HERC6: variants seen among roughly 807,000 people sequenced by gnomAD.
HERC6 encodes the protein probable E3 ubiquitin-protein ligase HERC6.
HERC6 carries 101 observed loss-of-function variants against 114.5 expected under a neutral mutation model. That is an observed-to-expected ratio of 0.88 (90% CI 0.75 to 1.04). The LOEUF (loss-of-function observed/expected upper bound fraction) is 1.04. Ranked by LOEUF, HERC6 falls within the 50% of genes least tolerant of loss-of-function variation. The probability of loss-of-function intolerance (pLI) is 0.00; values close to 1 mark genes in which losing one functional copy is unlikely to be tolerated. For missense variants in HERC6, 1,133 were observed against 1,230.9 expected, an observed-to-expected ratio of 0.92 and a Z score of 1.19; for synonymous variants, 408 against 436.2, an observed-to-expected ratio of 0.94 and a Z score of 0.81.
chr4:88,405,730 G>C (rs2148892867), intron 10 of HERC6, 117 bp downstream of exon 10: 3 of 489,636 alleles, frequency 6.1e-6, no homozygotes, highest in East Asian at 6.7e-5. Flanking sequence ...GTCCAACACA[G>C]AGAACTCTGT....
chr4:88,389,046 C>T (rs966357368), intron 3 of HERC6, among the ~76,000 whole-genome samples: 5 of 152,140 alleles, frequency 3.3e-5, no homozygotes, highest in Admixed American at 1.3e-4. Context: ...GTTTATGAGG[C>T]GGTCAGGGAA....
chr4:88,401,596 G>A (rs1735549896), intron 8 of HERC6, among the ~76,000 whole-genome samples: 1 of 151,996 alleles, frequency 6.6e-6, no homozygotes, highest in South Asian at 2.1e-4. Context: ...TGATTGAGGG[G>A]TTTGAACAGA....
chr4:88,397,891 A>G (rs540347120), intron 7 of HERC6, among the ~76,000 whole-genome samples: 3 of 152,334 alleles, frequency 2.0e-5, no homozygotes, highest in South Asian at 4.1e-4. Context: ...TGGCTGCATT[A>G]TGCAAGTGCA....
chr4:88,417,239 G>A (rs1736563990), intron 12 of HERC6, among the ~76,000 whole-genome samples, 186 bp from the exon 13 acceptor site: 1 of 151,934 alleles, frequency 6.6e-6, no homozygotes, highest in South Asian at 2.1e-4. Flanking sequence ...CTTAATAAGG[G>A]AAAAAAATTT....
chr4:88,383,215 C>T lies in HERC6; in HGVS notation c.200-6C>T. 6.2e-7 allele frequency: 1 copy of T among 1,608,430 alleles called. No individual in the cohort carries two copies. The highest frequency in any genetic ancestry group is 8.5e-7 in the Non-Finnish European group (1 of 1,177,480). On this transcript the variant is annotated splice_polypyrimidine_tract_variant and splice_region_variant and intron_variant, in intron 1 of 22. Coordinates refer to ENST00000264346, the MANE Select transcript of HERC6 (RefSeq NM_017912.4). ...GTTGGGGGGTGTTTTGTTTTGTTTCCCAAAGAACCAATTCAGGCATTGGAA... is the reference window on the plus strand; with the variant it reads ...GTTGGGGGGTGTTTTGTTTTGTTTCTCAAAGAACCAATTCAGGCATTGGAA...
At chr4:88,403,618 G>C (rs1198477541) in intron 8 of HERC6, among the ~76,000 whole-genome samples, 1 of 152,070 alleles carries the variant, frequency 6.6e-6, no homozygotes, top group African/African-American at 2.4e-5. Flanking sequence ...GCTGGGCACA[G>C]TGGCAGGTGC....
rs147649456 is a variant in HERC6, at chr4:88,401,771, G to A, written c.1093-3105G>A. ...AGTATGAAAGGTTTAGGAAGAAAAG[G>A]AAGGGTTGTGATAGTTGTCTTGGGG... On this transcript the variant is annotated intron_variant, in intron 8 of 22. Transcript: ENST00000264346. Among the ~76,000 whole-genome samples the A allele has an allele frequency of 3.1e-3, 479 of 152,308 alleles. 4 individuals are homozygous for A. The highest frequency in any genetic ancestry group is 0.011 in the African/African-American group (452 of 41,552).
At chr4:88,385,963 T>G (rs1369906393) in intron 3 of HERC6, among the ~76,000 whole-genome samples, 1 of 152,106 alleles carries the variant, frequency 6.6e-6, no homozygotes, top group Non-Finnish European at 1.5e-5. Flanking sequence ...TATTTTTTCT[T>G]TTTAAAAATT....
intron 17 of HERC6, among the ~76,000 whole-genome samples, chr4:88,433,842 G>A (rs1269814504): frequency 6.6e-6 from 1 of 152,222 alleles, no homozygotes; most frequent in Non-Finnish European, 1.5e-5. Flanking sequence ...ACAGGCAGGA[G>A]GAGGAGAAAG....
At chr4:88,390,014 T>C (rs1560535464) in intron 3 of HERC6, among the ~76,000 whole-genome samples, 2 of 151,514 alleles carry the variant, frequency 1.3e-5, no homozygotes, top group African/African-American at 4.8e-5. Context: ...CCATCTCTAC[T>C]AAAAAAGCAC....
intron 8 of HERC6, among the ~76,000 whole-genome samples, chr4:88,404,022 C>T (rs1390883236): frequency 6.6e-6 from 1 of 152,064 alleles, no homozygotes; most frequent in Non-Finnish European, 1.5e-5. Flanking sequence ...TCCCTCTCTC[C>T]GCCCCCAGCT....
At chr4:88,441,370 G>C (rs534157289) in intron 22 of HERC6, among the ~76,000 whole-genome samples, 2 of 152,170 alleles carry the variant, frequency 1.3e-5, no homozygotes, top group African/African-American at 4.8e-5. Flanking sequence ...ACCCTACGAG[G>C]TAGGTACTAT....
In HERC6 at chr4:88,398,319, A is replaced by G. The variant is rs941845529; in HGVS notation, c.1092+110A>G. On this transcript the variant is annotated intron_variant, in intron 8 of 22. Transcript: ENST00000264346. Reference sequence around the variant, plus strand: ...CATATTCAGGTCTTTTACTAAAACAATAAGGTCCTATATTAGAATGCTTAT... The same window carrying G: ...CATATTCAGGTCTTTTACTAAAACAGTAAGGTCCTATATTAGAATGCTTAT... The G allele has an allele frequency of 9.3e-5, 48 of 518,808 alleles. No homozygotes were observed. The East Asian group carries it at 1.5e-3, about 16-fold the overall frequency. The allele number at this position is 518,808 out of a possible 1,614,324, so 32.1% of individuals were successfully genotyped here. A position where few individuals can be genotyped will look rare whatever the true frequency, so the allele number is the denominator to read the frequency against.
intron 6 of HERC6, 40 bp downstream of exon 6, chr4:88,396,182 G>A: frequency 6.7e-7 from 1 of 1,489,546 alleles, no homozygotes; most frequent in Non-Finnish European, 9.0e-7. Context: ...AGCATGTGTA[G>A]AAAGTGTTAT....
chr4:88,417,446 A>C lies in HERC6; in HGVS notation c.1580A>C (p.Gln527Pro). Residue 527 changes from glutamine to proline, a missense_variant, in exon 13 of 23, where the codon CAA (glutamine) becomes CCA (proline). Around this residue, in one of 3 missense-constraint regions of HERC6, gnomAD observed 735 missense variants for 754.0 expected, o/e 0.97. Transcript: ENST00000264346. ...CCAGAGAAGTGTTGGGCATTTTTGC[A>C]AGAATCTTCTCTGAATCCGCTGATC... ...QVLKKCWAFLQESSLNPLIQM... is the reference protein window; with the variant it reads ...QVLKKCWAFLPESSLNPLIQM... 5.0e-6 allele frequency: 8 copies of C among 1,610,186 alleles called. No individual in the cohort carries two copies. The highest frequency in any genetic ancestry group is 6.8e-6 in the Non-Finnish European group (8 of 1,178,122).
intron 1 of HERC6, 42 bp downstream of exon 1, chr4:88,379,162 A>C: frequency 1.4e-6 from 2 of 1,445,356 alleles, no homozygotes; most frequent in Non-Finnish European, 1.8e-6. Context: ...GGACCCCAGT[A>C]CATGGGCGCG....
rs764425265 is a variant in HERC6 at position 88,417,469 on chromosome 4, A to G, written c.1603A>G (p.Ile535Val). 2 of 1,611,434 alleles carry G rather than the reference A, an allele frequency of 1.2e-6. No individual in the cohort carries two copies. Among genetic ancestry groups the G allele is most frequent in the South Asian group, 2.2e-5 (2 of 90,486 alleles). Residue 535 changes from isoleucine (I) to valine (V), a missense_variant, in exon 13 of 23, where the codon ATC becomes GTC. Ile to Val is a conservative substitution (Grantham distance 29). Transcript: ENST00000264346. ...FLQESSLNPL[I>V]QMLKAAIISQ... ...GCAAGAATCTTCTCTGAATCCGCTG[A>G]TCCAGATGCTTAAAGCAGCCATCAT... is the stretch of plus-strand genomic sequence containing the variant.
Position 88,405,592 on chromosome 4 carries a change from C to T in HERC6, c.1253C>T (p.Thr418Ile). 1 of 1,535,782 alleles carries T rather than the reference C, an allele frequency of 6.5e-7. No homozygotes were observed. Among genetic ancestry groups the T allele is most frequent in the Non-Finnish European group, 8.8e-7 (1 of 1,130,118 alleles). The change falls in exon 10 of 23, where the codon ACT (threonine) becomes ATT (isoleucine). Residue 418 changes from threonine to isoleucine, a missense_variant. By Grantham distance (89) the Thr-to-Ile change is moderately conservative (BLOSUM62 -1). This residue lies in a region of HERC6 where 735 missense variants were observed against 754.0 expected (regional missense o/e 0.97). Coordinates refer to ENST00000264346, the MANE Select transcript of HERC6 (RefSeq NM_017912.4). ...ATATTTTCATCTCCTGCTTGTCTGA[C>T]TGCAAGTTTTTTAAAGAAAAGGTAA... ...RMIFSSPACL[T>I]ASFLKKRGTG...
At chr4:88,430,013 ATCAGAAGTAGGCTTAATTTG>A (rs1254845078) in intron 16 of HERC6, among the ~76,000 whole-genome samples, 1 of 152,208 alleles carries the variant, frequency 6.6e-6, no homozygotes, top group Admixed American at 6.5e-5. Context: ...AAATAGGAAA[ATCAGAAGTAGGCTTAATTTG>A]TTATTGAGAT....
Sources: gnomAD v4.1 joint callset for allele counts (sites outside exome capture counted in the v4.1 genomes callset) on GRCh38, gnomAD v4.1.1 for gene constraint, gnomAD v4.1.1 regional missense constraint, MANE v1.5 for transcripts, NCBI Gene and HGNC (gene_info 2026-07-23, HGNC 2026-07-21) for gene names.